TRAT1: variants seen among roughly 807,000 people sequenced by gnomAD.
The protein encoded by TRAT1 is T cell receptor associated transmembrane adaptor 1.
Under a neutral mutation model 20.0 loss-of-function variants are expected in TRAT1, and 20 were observed. The ratio of observed to expected loss-of-function variants is 1.00; its 90% CI spans 0.70 to 1.45. TRAT1 has a LOEUF of 1.45. Among genes scored for constraint, TRAT1 ranks in the 40% most tolerant of loss-of-function variants. The pLI, the probability that TRAT1 is intolerant of heterozygous loss-of-function variation, is 0.00. For missense variants in TRAT1, 237 were observed against 224.1 expected, an observed-to-expected ratio of 1.06 and a Z score of -0.37; for synonymous variants, 77 against 74.2, an observed-to-expected ratio of 1.04 and a Z score of -0.20.
intron 2 of TRAT1, among the ~76,000 whole-genome samples, chr3:108,835,899 TTATTTATTTATTTA>T (rs1279990560): frequency 3.8e-3 from 2 of 520 alleles, no homozygotes; most frequent in African/African-American, 0.022. Flanking sequence ...TTGTTTGTAT[TTATTTATTTATTTA>T]TTTATTTATT....
intron 1 of TRAT1, among the ~76,000 whole-genome samples, chr3:108,825,022 T>G (rs553429697): frequency 6.6e-6 from 1 of 152,284 alleles, no homozygotes; most frequent in Admixed American, 6.5e-5. Flanking sequence ...ACTTTTACAA[T>G]TTCACAGAAG....
intron 3 of TRAT1, chr3:108,839,435 C>T: frequency 6.5e-6 from 1 of 152,764 alleles, no homozygotes; most frequent in Non-Finnish European, 1.5e-5. Flanking sequence ...AGATGGAGGC[C>T]ATCCTGGCTA....
chr3:108,830,216 C>A (rs1256469396), intron 1 of TRAT1, among the ~76,000 whole-genome samples: 1 of 152,212 alleles, frequency 6.6e-6, no homozygotes, highest in Non-Finnish European at 1.5e-5. Context: ...TTTATCCCAA[C>A]ACATCGTATT....
At chr3:108,839,342 T>A (rs527400472) in intron 3 of TRAT1, 2 of 185,688 alleles carry the variant, frequency 1.1e-5, no homozygotes, top group Admixed American at 6.2e-5. Context: ...ATTTAAGATA[T>A]GTATACACGG....
intron 2 of TRAT1, among the ~76,000 whole-genome samples, chr3:108,834,409 C>T (rs1945820973): frequency 2.0e-5 from 3 of 152,206 alleles, no homozygotes; most frequent in Admixed American, 1.3e-4. Context: ...AGTAATAGCT[C>T]TGCCTTTCTT....
intron 4 of TRAT1, 130 bp from the exon 5 acceptor site, chr3:108,849,036 C>A: frequency 1.3e-6 from 1 of 763,248 alleles, no homozygotes; most frequent in Non-Finnish European, 2.1e-6. Flanking sequence ...CTATCTCCAC[C>A]AAAAAGACTA....
chr3:108,849,087 T>C (rs1242889673), intron 4 of TRAT1, 79 bp from the exon 5 acceptor site: 6 of 1,204,678 alleles, frequency 5.0e-6, no homozygotes, highest in Non-Finnish European at 7.2e-6. Flanking sequence ...CAGCCAAATG[T>C]TGTTTGGATC....
chr3:108,833,632 T>C (rs140449493), intron 2 of TRAT1, among the ~76,000 whole-genome samples: 105 of 152,312 alleles, frequency 6.9e-4, no homozygotes, highest in African/African-American at 2.4e-3. Context: ...CTTCTCTCAA[T>C]TGTTTTTAAT....
intron 4 of TRAT1, 76 bp downstream of exon 4, chr3:108,847,205 A>T: frequency 1.2e-6 from 1 of 855,626 alleles, no homozygotes; most frequent in Non-Finnish European, 1.9e-6. Flanking sequence ...GTGGCGCTTT[A>T]AAAAAATCAA....
At chr3:108,842,662 C>T (rs1372964669) in intron 3 of TRAT1, among the ~76,000 whole-genome samples, 1 of 152,170 alleles carries the variant, frequency 6.6e-6, no homozygotes, top group African/African-American at 2.4e-5. Context: ...TCTTGGCTGC[C>T]CCCTTGTCAC....
chr3:108,839,210 T>C (rs1945868856), intron 3 of TRAT1: 3 of 506,298 alleles, frequency 5.9e-6, no homozygotes, highest in Non-Finnish European at 1.0e-5. Flanking sequence ...GATTCTAACC[T>C]GATAACTATA....
At chr3:108,828,444 G>A (rs891315437) in intron 1 of TRAT1, among the ~76,000 whole-genome samples, 2 of 152,114 alleles carry the variant, frequency 1.3e-5, no homozygotes, top group Non-Finnish European at 2.9e-5. Flanking sequence ...TCACAAAAAT[G>A]AGTATCATAA....
intron 3 of TRAT1, among the ~76,000 whole-genome samples, chr3:108,843,235 T>C (rs758247814): frequency 6.6e-6 from 1 of 152,130 alleles, no homozygotes; most frequent in Non-Finnish European, 1.5e-5. Context: ...ACCATCTCCT[T>C]AAAACTAGAT....
chr3:108,825,576 T>A (rs1945730734), intron 1 of TRAT1, among the ~76,000 whole-genome samples: 1 of 152,146 alleles, frequency 6.6e-6, no homozygotes, highest in East Asian at 1.9e-4. Flanking sequence ...AGACAATGTT[T>A]CTCCATTTAA....
rs142175794 is a variant in TRAT1 at position 108,853,755 on chromosome 3, G to A, written c.439G>A (p.Val147Ile). Residue 147 changes from valine (V) to isoleucine (I), a missense_variant, in exon 6 of 6, where the codon GTT becomes ATT. Physicochemically the swap from Val to Ile is conservative, Grantham distance 29. Transcript: ENST00000295756. ...GCAACTACATGCAATAGATGCCAGC[G>A]TTTCTAAGACCACCTTAGTAGACAG... ...DEQLHAIDAS[V>I]SKTTLVDSFS... is the part of the protein sequence containing the mutation. The A allele has an allele frequency of 1.3e-4, 215 of 1,614,130 alleles. No individual in the cohort carries two copies. The highest frequency in any genetic ancestry group is 1.2e-3 in the African/African-American group (91 of 75,038).
At chr3:108,849,864 C>T (rs894249741) in intron 5 of TRAT1, among the ~76,000 whole-genome samples, 4 of 152,038 alleles carry the variant, frequency 2.6e-5, no homozygotes, top group Non-Finnish European at 4.4e-5. Flanking sequence ...ATCTGTTCAA[C>T]CTCTTCAGTT....
intron 3 of TRAT1, among the ~76,000 whole-genome samples, chr3:108,840,571 C>G (rs1467769259): frequency 6.7e-6 from 1 of 149,982 alleles, no homozygotes; most frequent in African/African-American, 2.4e-5. Context: ...AACATTTATT[C>G]ATTCAATAAA....
intron 2 of TRAT1, among the ~76,000 whole-genome samples, chr3:108,837,212 G>C (rs1576520702): frequency 6.6e-6 from 1 of 152,122 alleles, no homozygotes; most frequent in East Asian, 1.9e-4. Flanking sequence ...GAAAATAACT[G>C]CATCTTTTAC....
chr3:108,836,213 C>A (rs151042596), intron 2 of TRAT1, among the ~76,000 whole-genome samples: 1 of 152,190 alleles, frequency 6.6e-6, no homozygotes, highest in East Asian at 1.9e-4. Context: ...CCACCGTGCC[C>A]GGCCAGAGTT....
Sources: allele counts gnomAD v4.1 joint callset (sites outside exome capture counted in the v4.1 genomes callset), GRCh38; gene constraint gnomAD v4.1.1; transcripts MANE v1.5; gene names NCBI Gene and HGNC (gene_info 2026-07-23, HGNC 2026-07-21).